MMP21: variants seen among roughly 807,000 people sequenced by gnomAD.
MMP21 encodes the protein matrix metalloproteinase-21.
MMP21 carries 40 observed loss-of-function variants against 47.8 expected under a neutral mutation model. The observed-to-expected ratio is 0.84, with a 90% confidence interval of 0.65 to 1.09. MMP21 has a LOEUF of 1.09. Among genes scored for constraint, MMP21 ranks in the 50% least tolerant of loss-of-function variants. The pLI is 0.00. For synonymous variants in MMP21, 341 were observed against 318.0 expected (o/e 1.07, Z -0.77); for missense variants, 747 against 775.3 (o/e 0.96, Z 0.43).
In MMP21 at chr10:125,772,907, G is replaced by C. The variant is rs17153540; in HGVS notation, c.698-157C>G. 6.6e-6 allele frequency among the ~76,000 whole-genome samples: 1 copy of C among 152,160 alleles called. No homozygotes were observed. The highest frequency in any genetic ancestry group is 1.9e-4 in the East Asian group (1 of 5,176). ...CCTCAATGTGCGGAGGGTGGGAGAC[G>C]GTTTGTTTGTAAACTGTGTTTACAG... On this transcript the variant is annotated intron_variant, in intron 2 of 6. Coordinates refer to ENST00000368808, the MANE Select transcript of MMP21 (RefSeq NM_147191.1). This position sits in a 1 kb window ranked among gnomAD's most constrained non-coding sequence, Gnocchi z 5.6.
chr10:125,772,145 G>C lies in MMP21; in HGVS notation c.979+73C>G. 6.4e-7 allele frequency: 1 copy of C among 1,559,820 alleles called. No individual in the cohort carries two copies. Among genetic ancestry groups the C allele is most frequent in the South Asian group, 1.2e-5 (1 of 86,180 alleles). ...TAGGCCCAGTTTCCCAGTGAGGAGT[G>C]AGCGGGGTCCTACAGTGCTCTGGAA... On this transcript the variant is annotated intron_variant, in intron 4 of 6. Coordinates refer to ENST00000368808, the MANE Select transcript of MMP21 (RefSeq NM_147191.1). This position sits in a 1 kb window ranked among gnomAD's most constrained non-coding sequence, Gnocchi z 5.6.
chr10:125,774,040 G>C lies in MMP21; in HGVS notation c.488C>G (p.Pro163Arg), dbSNP rs1319726283. 3 of 1,482,592 alleles carry C rather than the reference G, an allele frequency of 2.0e-6. No homozygotes were observed. The Admixed American group carries it at 6.7e-5, about 33-fold the overall frequency. 91.8% of individuals were successfully genotyped at this position (1,482,592 alleles called of 1,614,324 possible). The part of the protein sequence containing the change: ...SRRGWQPRGY[P>R]DGGAAQAFSK... ...GAAGGCCTGGGCAGCTCCGCCGTCG[G>C]GGTAGCCCCGGGGCTGCCAACCCCG... The change falls in exon 2 of 7, where the codon CCC (proline) becomes CGC (arginine). Residue 163 changes from proline to arginine, a missense_variant. By Grantham distance (103) the Pro-to-Arg change is moderately radical. Transcript: ENST00000368808.
chr10:125,770,616 C>T, intron 4 of MMP21, 25 bp from the exon 5 acceptor site: 1 of 1,610,372 alleles, frequency 6.2e-7, no homozygotes, highest in Non-Finnish European at 8.5e-7. Context: ...CAAAAAACAG[C>T]CACTTGTCAC....
rs1380561953 is a variant in MMP21 at position 125,773,026 on chromosome 10, G to C, written c.698-276C>G. On this transcript the variant is annotated intron_variant, in intron 2 of 6. Coordinates refer to ENST00000368808, the MANE Select transcript of MMP21 (RefSeq NM_147191.1). This position sits in a 1 kb window ranked among gnomAD's most constrained non-coding sequence, Gnocchi z 4.8. Reference sequence around the variant, plus strand: ...GCCCGGCTGGGGGCCTGGGAAGATGGCAAAAAGGCCTCACCCGGACAAGAT... The same window carrying C: ...GCCCGGCTGGGGGCCTGGGAAGATGCCAAAAAGGCCTCACCCGGACAAGAT... Among the ~76,000 whole-genome samples the C allele has an allele frequency of 6.6e-6, 1 of 152,208 alleles. No homozygotes were observed. The highest frequency in any genetic ancestry group is 2.4e-5 in the African/African-American group (1 of 41,456).
Position 125,770,575 on chromosome 10 carries a change from T to C in MMP21, c.996A>G (p.Ser332=). Residue 332 remains serine, a synonymous_variant, in exon 5 of 7, where the codon TCA becomes TCG. Transcript: ENST00000368808. ...IQKLYGSCEG[S]FDTAFDWIRK... is the part of the protein sequence containing the mutation. ...GAATCCAGTCAAACGCAGTATCAAA[T>C]GATCCCTCACAGGAGCCTTAAAAAA... 5.0e-6 allele frequency: 8 copies of C among 1,614,154 alleles called. No homozygotes were observed. Among genetic ancestry groups the C allele is most frequent in the Non-Finnish European group, 5.9e-6 (7 of 1,179,988 alleles).
Position 125,775,797 on chromosome 10 carries a change from G to A in MMP21, c.25C>T (p.Pro9Ser). The A allele has an allele frequency of 6.2e-7, 1 of 1,611,822 alleles. No individual in the cohort carries two copies. Among genetic ancestry groups the A allele is most frequent in the Non-Finnish European group, 8.5e-7 (1 of 1,179,128 alleles). Residue 9 changes from proline (P) to serine (S), a missense_variant, in exon 1 of 7, where the codon CCG becomes TCG. Coordinates refer to ENST00000368808, the MANE Select transcript of MMP21 (RefSeq NM_147191.1). The stretch of plus-strand genomic sequence containing the variant: ...GCCAGCCAGCAGAGCAGCAGTGTCG[G>A]ACGGAAGATGGAGGCGGCGAGCATT... MLAASIFR[P>S]TLLLCWLAAP...
At chr10:125,767,425 GC>G (rs1186442410) in intron 6 of MMP21, 106 bp downstream of exon 6, 35 of 1,112,204 alleles carry the variant, frequency 3.1e-5, no homozygotes, top group Non-Finnish European at 4.5e-5. Context: ...ACAGGCATGC[GC>G]CACTGTGGCA....
intron 5 of MMP21, among the ~76,000 whole-genome samples, chr10:125,767,967 A>G (rs1850404582): frequency 1.3e-5 from 2 of 152,132 alleles, no homozygotes; most frequent in African/African-American, 2.4e-5. Flanking sequence ...TTCACACCAA[A>G]GCAAACCCTG....
chr10:125,766,628 A>T lies in MMP21; in HGVS notation c.*34T>A. 6.0e-6 allele frequency: 9 copies of T among 1,503,258 alleles called. No individual in the cohort carries two copies. Among genetic ancestry groups the T allele is most frequent in the Non-Finnish European group, 8.0e-6 (9 of 1,128,204 alleles). 93.1% of individuals were successfully genotyped at this position (1,503,258 alleles called of 1,614,324 possible). ...GTAAACAGTATCAGAATTTTAGCGA[A>T]GTCCTATGACCCTCCATTTCCTACT... On this transcript the variant is annotated 3_prime_UTR_variant, in exon 7 of 7. Coordinates refer to ENST00000368808, the MANE Select transcript of MMP21 (RefSeq NM_147191.1).
intron 5 of MMP21, among the ~76,000 whole-genome samples, chr10:125,768,610 A>G (rs1166269802): frequency 2.0e-5 from 3 of 152,214 alleles, no homozygotes; most frequent in Admixed American, 2.0e-4. Flanking sequence ...CACCATTAAC[A>G]GTGTGACGTT....
chr10:125,768,458 G>A (rs765257012), intron 5 of MMP21, among the ~76,000 whole-genome samples: 5 of 152,206 alleles, frequency 3.3e-5, no homozygotes, highest in Non-Finnish European at 7.3e-5. Context: ...GCTGCTTCTT[G>A]TTAGTTCCTA....
chr10:125,774,052 G>A lies in MMP21; in HGVS notation c.476C>T (p.Pro159Leu), dbSNP rs752411609. 6.0e-5 allele frequency: 88 copies of A among 1,462,020 alleles called. No homozygotes were observed. The East Asian group carries it at 9.9e-4, about 16-fold the overall frequency. The allele number at this position is 1,462,020 out of a possible 1,614,324, so 90.6% of individuals were successfully genotyped here. A position where few individuals can be genotyped will look rare whatever the true frequency, so the allele number is the denominator to read the frequency against. The change falls in exon 2 of 7, where the codon CCC becomes CTC. Residue 159 changes from proline (P) to leucine (L), a missense_variant. Pro to Leu is a moderately conservative substitution (Grantham distance 98). Coordinates refer to ENST00000368808, the MANE Select transcript of MMP21 (RefSeq NM_147191.1). Reference protein sequence around the residue: ...PLSLSRRGWQPRGYPDGGAAQ... With the variant: ...PLSLSRRGWQLRGYPDGGAAQ... ...AGCTCCGCCGTCGGGGTAGCCCCGG[G>A]GCTGCCAACCCCGCCGGGACAAGGA...
In MMP21 at chr10:125,773,747, C is replaced by A. The variant is rs571149424; in HGVS notation, c.697+84G>T. ...GGCCGGGAGGGCTTAGCCCCCCATT[C>A]TGCAGGTGGCCGAGGTGGGGGTAGG... On this transcript the variant is annotated intron_variant, in intron 2 of 6. Transcript: ENST00000368808. The surrounding 1 kb of genome is among the most constrained non-coding windows in gnomAD (Gnocchi z 4.8). The A allele has an allele frequency of 2.8e-6, 4 of 1,424,766 alleles. No individual in the cohort carries two copies. The East Asian group carries it at 1.1e-4, about 39-fold the overall frequency. 88.3% of individuals were successfully genotyped at this position (1,424,766 alleles called of 1,614,324 possible).
In MMP21 at chr10:125,767,712, C is replaced by T. The variant is rs576347344; in HGVS notation, c.1238-8G>A. 23 of 1,613,260 alleles carry T rather than the reference C, an allele frequency of 1.4e-5. No individual in the cohort carries two copies. In the South Asian group the frequency reaches 2.2e-4, roughly 15 times the overall value. ...ATCTCCAGTATTGATTTCCTGAGAGCCAAACAAAATACGTTCATGTGGTTT... is the reference window on the plus strand; with the variant it reads ...ATCTCCAGTATTGATTTCCTGAGAGTCAAACAAAATACGTTCATGTGGTTT... On this transcript the variant is annotated splice_region_variant and splice_polypyrimidine_tract_variant and intron_variant, in intron 5 of 6. Transcript: ENST00000368808.
chr10:125,774,498 G>A (rs1438251599), intron 1 of MMP21, 133 bp from the exon 2 acceptor site: 3 of 530,188 alleles, frequency 5.7e-6, no homozygotes, highest in Non-Finnish European at 8.8e-6. Context: ...AGACAGACAG[G>A]GAGAAACAGA....
Position 125,772,298 on chromosome 10 carries a change from A to G in MMP21, c.899T>C (p.Ile300Thr). ...CTGGGGAATGTAATTTGGTTGCATT[A>G]TGGATCCCGTCCTGTAGGTGTGAGG... ...GLPHTYRTGS[I>T]MQPNYIPQEP... is the part of the protein sequence containing the mutation. The change falls in exon 4 of 7, where the codon ATA becomes ACA. Residue 300 changes from isoleucine to threonine, a missense_variant. Physicochemically the swap from Ile to Thr is moderately conservative, Grantham distance 89. Transcript: ENST00000368808. This position sits in a 1 kb window ranked among gnomAD's most constrained non-coding sequence, Gnocchi z 5.6. 2 of 1,614,176 alleles carry G rather than the reference A, an allele frequency of 1.2e-6. No individual in the cohort carries two copies. Among genetic ancestry groups the G allele is most frequent in the Non-Finnish European group, 8.5e-7 (1 of 1,180,030 alleles).
At chr10:125,767,003 T>C (rs779347499) in intron 6 of MMP21, 42 bp from the exon 7 acceptor site, 2 of 1,478,702 alleles carry the variant, frequency 1.4e-6, no homozygotes, top group Non-Finnish European at 1.8e-6. Flanking sequence ...TGAAAATTAT[T>C]AATATTTTTT....
At chr10:125,767,402 A>G (rs1010320274) in intron 6 of MMP21, 130 bp downstream of exon 6, 15 of 896,738 alleles carry the variant, frequency 1.7e-5, no homozygotes, top group Non-Finnish European at 2.5e-5. Flanking sequence ...TTGGCCTCCC[A>G]AAGTGCGGGA....
In MMP21 at chr10:125,772,142, A is replaced by C; in HGVS notation, c.979+76T>G. On this transcript the variant is annotated intron_variant, in intron 4 of 6. Coordinates refer to ENST00000368808, the MANE Select transcript of MMP21 (RefSeq NM_147191.1). This position sits in a 1 kb window ranked among gnomAD's most constrained non-coding sequence, Gnocchi z 5.6. ...TCTTAGGCCCAGTTTCCCAGTGAGG[A>C]GTGAGCGGGGTCCTACAGTGCTCTG... is the stretch of plus-strand genomic sequence containing the variant. 1 of 1,547,018 alleles carries C rather than the reference A, an allele frequency of 6.5e-7. No individual in the cohort carries two copies. The highest frequency in any genetic ancestry group is 1.2e-5 in the South Asian group (1 of 85,276).
Sources: allele counts gnomAD v4.1 joint callset (sites outside exome capture counted in the v4.1 genomes callset), GRCh38; gene constraint gnomAD v4.1.1; non-coding constraint Gnocchi (gnomAD v3.1); transcripts MANE v1.5; gene names NCBI Gene and HGNC (gene_info 2026-07-23, HGNC 2026-07-21).